SAMD12: variants seen among roughly 807,000 people sequenced by gnomAD.
The protein encoded by SAMD12 is sterile alpha motif domain-containing protein 12.
In SAMD12, 9 loss-of-function variants were observed where a neutral mutation model predicts 15.0. That is an observed-to-expected ratio of 0.60 (90% confidence interval 0.36 to 1.05). The LOEUF is 1.05. SAMD12 is among the 50% of genes least tolerant of loss of function. The pLI, the probability that SAMD12 is intolerant of heterozygous loss-of-function variation, is 0.01. For synonymous variants in SAMD12, 86 were observed against 90.1 expected (o/e 0.96, Z 0.25); for missense variants, 230 against 234.2 (o/e 0.98, Z 0.12).
chr8:118,329,276 G>A (rs2130490342), intron 4 of SAMD12, among the ~76,000 whole-genome samples: 1 of 152,084 alleles, frequency 6.6e-6, no homozygotes, highest in Non-Finnish European at 1.5e-5. Flanking sequence ...GCCAGCCTTG[G>A]CAAATTTTTC....
chr8:118,155,138 TTATTTGTATC>T, the SAMD12 span, among the ~76,000 whole-genome samples: 1 of 152,180 alleles, frequency 6.6e-6, no homozygotes, highest in East Asian at 1.9e-4. Flanking sequence ...ATATATGTAT[TTATTTGTATC>T]TATTTAGTAT....
chr8:118,424,739 A>C (rs1212314678), intron 3 of SAMD12, among the ~76,000 whole-genome samples: 1 of 152,120 alleles, frequency 6.6e-6, no homozygotes, highest in Non-Finnish European at 1.5e-5. Flanking sequence ...TCAATCCTAC[A>C]TGTGTGGACT....
chr8:118,236,653 G>A lies in SAMD12; in HGVS notation c.434-38921C>T, dbSNP rs765547091. 3.3e-5 allele frequency among the ~76,000 whole-genome samples: 5 copies of A among 152,318 alleles called. 1 individual carries two copies. The highest frequency in any genetic ancestry group is 9.6e-5 in the African/African-American group (4 of 41,568). On this transcript the variant is annotated intron_variant, in intron 4 of 4. Coordinates refer to the SAMD12 transcript ENST00000409003. ...GATTGCTGAAAAGCAGTTGCAACTT[G>A]TGCCTACAAAAGGCAGCACAAATGA...
intron 4 of SAMD12, among the ~76,000 whole-genome samples, chr8:118,238,203 G>A (rs866566579): frequency 2.6e-5 from 4 of 151,960 alleles, no homozygotes; most frequent in East Asian, 1.9e-4. Context: ...AGAGGGTTAC[G>A]TGAGATCATG....
chr8:118,223,560 G>A (rs1563702903), intron 4 of SAMD12, among the ~76,000 whole-genome samples: 2 of 152,220 alleles, frequency 1.3e-5, no homozygotes, highest in Non-Finnish European at 2.9e-5. Context: ...TGATGGGGAG[G>A]TAGACTTGTT....
At chr8:118,548,124 G>A (rs1378847413) in intron 2 of SAMD12, among the ~76,000 whole-genome samples, 1 of 152,166 alleles carries the variant, frequency 6.6e-6, no homozygotes, top group Non-Finnish European at 1.5e-5. Context: ...AAATTACACA[G>A]AGAATGGACA....
intron 1 of SAMD12, among the ~76,000 whole-genome samples, chr8:118,582,879 C>G (rs1355884446): frequency 6.6e-6 from 1 of 150,814 alleles, no homozygotes; most frequent in Non-Finnish European, 1.5e-5. Flanking sequence ...TGATTTGCAT[C>G]TCGGTAGTTT....
At chr8:118,339,387 C>T (rs1394918817) in intron 4 of SAMD12, among the ~76,000 whole-genome samples, 1 of 152,100 alleles carries the variant, frequency 6.6e-6, no homozygotes, top group Non-Finnish European at 1.5e-5. Flanking sequence ...AATGCACAAG[C>T]TGACACTTTG....
intron 4 of SAMD12, among the ~76,000 whole-genome samples, chr8:118,232,300 G>A (rs1158183526): frequency 1.3e-5 from 2 of 152,120 alleles, no homozygotes; most frequent in Non-Finnish European, 1.5e-5. Flanking sequence ...GGGATCAGAG[G>A]GATGTTGCCC....
At chr8:118,594,144 C>G (rs367891619) in intron 1 of SAMD12, among the ~76,000 whole-genome samples, 1 of 151,484 alleles carries the variant, frequency 6.6e-6, no homozygotes, top group Non-Finnish European at 1.5e-5. Flanking sequence ...TCTGGTAAAG[C>G]TCACAGTTTA....
the SAMD12 span, among the ~76,000 whole-genome samples, chr8:118,135,733 G>C: frequency 6.6e-6 from 1 of 152,008 alleles, no homozygotes; most frequent in Non-Finnish European, 1.5e-5. Flanking sequence ...TGTAGAGACA[G>C]GGTTTTGCCA....
At chr8:118,548,416 CACACACA>C (rs746980198) in intron 2 of SAMD12, among the ~76,000 whole-genome samples, 46 of 148,308 alleles carry the variant, frequency 3.1e-4, no homozygotes, top group Admixed American at 6.0e-4. Context: ...CACACACACA[CACACACA>C]CCCCATGTGA....
chr8:118,540,776 T>C (rs1825965692), intron 2 of SAMD12, among the ~76,000 whole-genome samples: 1 of 152,142 alleles, frequency 6.6e-6, no homozygotes, highest in Non-Finnish European at 1.5e-5. Context: ...TATGCAAAGA[T>C]TGGGTAGGAG....
intron 2 of SAMD12, among the ~76,000 whole-genome samples, chr8:118,547,284 C>G (rs1364841615): frequency 6.6e-6 from 1 of 152,176 alleles, no homozygotes; most frequent in East Asian, 1.9e-4. Context: ...CTGTTCCCTG[C>G]ACCTGAATGT....
At chr8:118,164,868 T>G in the SAMD12 span, among the ~76,000 whole-genome samples, 2 of 151,928 alleles carry the variant, frequency 1.3e-5, no homozygotes, top group Non-Finnish European at 2.9e-5. Context: ...CACACACCTA[T>G]GCATATATGC....
intron 4 of SAMD12, among the ~76,000 whole-genome samples, chr8:118,329,076 G>T (rs1816691912): frequency 6.6e-6 from 1 of 152,142 alleles, no homozygotes. Context: ...TAAGAGTGCA[G>T]CACAGTTGTT....
chr8:118,558,245 TG>T (rs1384288104), intron 2 of SAMD12, among the ~76,000 whole-genome samples: 2 of 152,214 alleles, frequency 1.3e-5, no homozygotes, highest in Admixed American at 6.5e-5. Flanking sequence ...GTTCTAACTT[TG>T]CCCAATAAAT....
At chr8:118,596,694 C>T (rs1210967737) in intron 1 of SAMD12, among the ~76,000 whole-genome samples, 2 of 152,238 alleles carry the variant, frequency 1.3e-5, no homozygotes, top group Non-Finnish European at 2.9e-5. Flanking sequence ...CTTCTTCCTG[C>T]TCCATCTATT....
At chr8:118,328,854 C>T (rs1816681813) in intron 4 of SAMD12, among the ~76,000 whole-genome samples, 1 of 152,218 alleles carries the variant, frequency 6.6e-6, no homozygotes, top group East Asian at 1.9e-4. Context: ...TAACACTAGC[C>T]ATCTTTTTTG....
Sources: gnomAD v4.1 joint callset for allele counts (sites outside exome capture counted in the v4.1 genomes callset) on GRCh38, gnomAD v4.1.1 for gene constraint, MANE v1.5 for transcripts, NCBI Gene and HGNC (gene_info 2026-07-23, HGNC 2026-07-21) for gene names.